The following DGKI variants were observed in gnomAD, a reference collection of about 807,000 sequenced individuals.
DGKI encodes the protein diacylglycerol kinase iota.
DGKI carries 55 observed loss-of-function variants against 147.5 expected under a neutral mutation model. The observed-to-expected ratio is 0.37, with a 90% CI of 0.30 to 0.47. The LOEUF is 0.47. DGKI is among the 20% of genes least tolerant of loss of function. The probability of loss-of-function intolerance (pLI) is 1.00; values close to 1 mark genes in which losing one functional copy is unlikely to be tolerated. For missense variants in DGKI, 1,007 were observed against 1,323.8 expected, an observed-to-expected ratio of 0.76 and a Z score of 3.71; for synonymous variants, 469 against 477.1, an observed-to-expected ratio of 0.98 and a Z score of 0.22.
intron 23 of DGKI, among the ~76,000 whole-genome samples, chr7:137,474,265 T>C (rs1300115248): frequency 1.3e-5 from 2 of 152,190 alleles, no homozygotes; most frequent in South Asian, 2.1e-4. Flanking sequence ...ATCTATTCCA[T>C]GTACATATCT....
chr7:137,485,360 C>T lies in DGKI; in HGVS notation c.2373+14G>A, dbSNP rs113827095. ...CCAGAAGGTAAGAAACAAGGAGAGT[C>T]AATTATTTGTTACCTGGTAATGAAC... is the stretch of plus-strand genomic sequence containing the variant. On this transcript the variant is annotated intron_variant, in intron 23 of 32. Coordinates refer to ENST00000614521, the MANE Select transcript of DGKI (RefSeq NM_001321708.2). The T allele has an allele frequency of 1.3e-5, 20 of 1,598,682 alleles. No individual in the cohort carries two copies. The African/African-American group carries it at 2.3e-4, about 18-fold the overall frequency.
chr7:137,548,002 C>A (rs1817920448), intron 20 of DGKI, among the ~76,000 whole-genome samples: 1 of 151,840 alleles, frequency 6.6e-6, no homozygotes, highest in African/African-American at 2.4e-5. Context: ...TTCCCTGGAA[C>A]AAAGAGCAAA....
rs117851008 is a variant in DGKI at position 137,568,132 on chromosome 7, G to A, written c.1947+3043C>T. ...GAATAAAGTAAATGCTCCTAGATCA[G>A]TGCTGTGATGCACTCTATGATCTGG... On this transcript the variant is annotated intron_variant, in intron 19 of 32. Coordinates refer to ENST00000614521, the MANE Select transcript of DGKI (RefSeq NM_001321708.2). Among the ~76,000 whole-genome samples the A allele has an allele frequency of 5.0e-3, 762 of 152,182 alleles. 7 individuals carry two copies. The highest frequency in any genetic ancestry group is 0.013 in the South Asian group (64 of 4,826).
chr7:137,803,602 C>A (rs564167912), intron 1 of DGKI, among the ~76,000 whole-genome samples: 3 of 152,186 alleles, frequency 2.0e-5, no homozygotes, highest in African/African-American at 7.2e-5. Flanking sequence ...TGACTGGACA[C>A]GGCCTTAACA....
In DGKI at chr7:137,495,343, C is replaced by A. The variant is rs532552798; in HGVS notation, c.2249-7654G>T. Among the ~76,000 whole-genome samples, 15 of 150,766 alleles carry A rather than the reference C, an allele frequency of 9.9e-5. No individual in the cohort carries two copies. The South Asian group carries it at 3.1e-3, about 32-fold the overall frequency. The stretch of plus-strand genomic sequence containing the variant: ...AAAAGCCCAGGGCTAGACAAATTCA[C>A]AGCCAAATTCTAGCAGATGTATAAG... On this transcript the variant is annotated intron_variant, in intron 21 of 32. Transcript: ENST00000614521.
chr7:137,618,151 A>ATATATATATTTTTTTTTTT, intron 8 of DGKI, among the ~76,000 whole-genome samples: 6 of 10,466 alleles, frequency 5.7e-4, no homozygotes, highest in African/African-American at 7.5e-4. Context: ...ATATATATAT[A>ATATATATATTTTTTTTTTT]TTTTTTTTTT....
At chr7:137,563,002 C>CA (rs1818466900) in intron 19 of DGKI, among the ~76,000 whole-genome samples, 2 of 151,986 alleles carry the variant, frequency 1.3e-5, no homozygotes, top group Non-Finnish European at 1.5e-5. Flanking sequence ...ATCATAATCA[C>CA]AAAAATGCTT....
chr7:137,588,475 C>CTTTTTTTTTTTTTTTTTTTT (rs71533759), intron 12 of DGKI, among the ~76,000 whole-genome samples: 1 of 116,722 alleles, frequency 8.6e-6, no homozygotes, highest in African/African-American at 3.6e-5. Flanking sequence ...CATACCGATG[C>CTTTTTTTTTTTTTTTTTTTT]TTTTTTTTTT....
At position 137,570,403 on chromosome 7, in the gene DGKI, C is replaced by T. The variant is rs566127360; in HGVS notation, c.1947+772G>A. ...GTGGCAACTGAGTATGCACTAATAT[C>T]ACAATAATGATGTCTTTGTATATTC... On this transcript the variant is annotated intron_variant, in intron 19 of 32. Transcript: ENST00000614521. Among the ~76,000 whole-genome samples the T allele has an allele frequency of 2.6e-5, 4 of 152,180 alleles. No homozygotes were observed. In the East Asian group the frequency reaches 7.7e-4, roughly 29 times the overall value.
At chr7:137,489,484 TTTGCAGGAAA>T (rs1815684660) in intron 21 of DGKI, among the ~76,000 whole-genome samples, 1 of 152,108 alleles carries the variant, frequency 6.6e-6, no homozygotes, top group African/African-American at 2.4e-5. Context: ...ATCATGCATC[TTTGCAGGAAA>T]TGGAAGGGAA....
intron 1 of DGKI, among the ~76,000 whole-genome samples, chr7:137,802,516 CATT>C (rs1196835686): frequency 6.6e-6 from 1 of 152,130 alleles, no homozygotes; most frequent in Non-Finnish European, 1.5e-5. Context: ...CTATTTGTGA[CATT>C]ATAATTATCA....
At chr7:137,820,930 C>A in intron 1 of DGKI, among the ~76,000 whole-genome samples, 1 of 152,242 alleles carries the variant, frequency 6.6e-6, no homozygotes, top group East Asian at 1.9e-4. Flanking sequence ...CTGAAAATGT[C>A]AGAGCAACCC....
At chr7:137,454,175 AT>A (rs1447889888) in intron 27 of DGKI, among the ~76,000 whole-genome samples, 10 of 152,216 alleles carry the variant, frequency 6.6e-5, no homozygotes, top group Non-Finnish European at 1.5e-5. Flanking sequence ...GCATTCATTG[AT>A]CAGCCAGGTT....
intron 21 of DGKI, among the ~76,000 whole-genome samples, chr7:137,497,554 G>A (rs1952210425): frequency 1.3e-5 from 2 of 152,068 alleles, no homozygotes; most frequent in Non-Finnish European, 2.9e-5. Context: ...TGCCCATCAA[G>A]GGTAGAGAGG....
chr7:137,445,914 G>A (rs1002691515), intron 27 of DGKI, among the ~76,000 whole-genome samples: 8 of 152,126 alleles, frequency 5.3e-5, no homozygotes, highest in South Asian at 2.1e-4. Flanking sequence ...AATGAGAGGT[G>A]AAATGAAATT....
At chr7:137,436,477 A>G (rs1317689114) in intron 28 of DGKI, among the ~76,000 whole-genome samples, 1 of 152,170 alleles carries the variant, frequency 6.6e-6, no homozygotes, top group Non-Finnish European at 1.5e-5. Flanking sequence ...AATGGTTAAG[A>G]AAAGGATCTG....
intron 1 of DGKI, among the ~76,000 whole-genome samples, chr7:137,740,200 C>T (rs1795137351): frequency 6.6e-6 from 1 of 152,136 alleles, no homozygotes; most frequent in Non-Finnish European, 1.5e-5. Flanking sequence ...TGCAGAAATC[C>T]ACATTCTTGG....
rs528583293 is a variant in DGKI, at chr7:137,425,792, G to T, written c.2762-13585C>A. On this transcript the variant is annotated intron_variant, in intron 28 of 32. Coordinates refer to ENST00000614521, the MANE Select transcript of DGKI (RefSeq NM_001321708.2). The stretch of plus-strand genomic sequence containing the variant: ...GCCGATGCGATCAACTGGAAGAAAG[G>T]GTATCAGTGATGGAAGATGAAGTGA... 3.9e-5 allele frequency among the ~76,000 whole-genome samples: 6 copies of T among 152,250 alleles called. No individual in the cohort carries two copies. In the South Asian group the frequency reaches 1.2e-3, roughly 32 times the overall value.
In DGKI at chr7:137,609,540, T is replaced by C. The variant is rs745599394; in HGVS notation, c.1063A>G (p.Met355Val). The C allele has an allele frequency of 1.9e-6, 3 of 1,610,650 alleles. No homozygotes were observed. ...TAAAACTCTGAAACACTTACTTCCA[T>C]CCCTCTTTTACTGGCTTTTCTTTTA... ...SFKRKASKRG[M>V]EQENKGRPFV... is the part of the protein sequence containing the mutation. The change falls in exon 9 of 33, where the codon ATG becomes GTG. Residue 355 changes from methionine to valine, a missense_variant. By Grantham distance (21) the Met-to-Val change is conservative. This residue lies in a region of DGKI where 259 missense variants were observed against 362.5 expected (regional missense o/e 0.71). Transcript: ENST00000614521.
Sources: allele counts gnomAD v4.1 joint callset (sites outside exome capture counted in the v4.1 genomes callset), GRCh38; gene constraint gnomAD v4.1.1; regional missense constraint gnomAD v4.1.1; transcripts MANE v1.5; gene names NCBI Gene and HGNC (gene_info 2026-07-23, HGNC 2026-07-21).